The following FLT4 variants were observed in gnomAD, a reference collection of about 807,000 sequenced individuals.
FLT4 encodes the protein fms related receptor tyrosine kinase 4, also known as vascular endothelial growth factor receptor 3.
FLT4 carries 30 observed loss-of-function variants against 163.2 expected under a neutral mutation model. That is an observed-to-expected ratio of 0.18 (90% CI 0.14 to 0.25). The LOEUF is 0.25. Among genes scored for constraint, FLT4 ranks in the 10% least tolerant of loss-of-function variants. FLT4 has a pLI of 1.00. For synonymous variants in FLT4, 884 were observed against 789.5 expected (o/e 1.12, Z -2.01); for missense variants, 1,510 against 1,863.8 (o/e 0.81, Z 3.50).
Position 180,623,836 on chromosome 5 carries a change from AGCACTCTGGAAGCCAGGTG to A in FLT4, c.1548+80_1548+98del. On this transcript the variant is annotated intron_variant, in intron 11 of 29. Transcript: ENST00000261937. The surrounding 1 kb of genome is among the most constrained non-coding windows in gnomAD (Gnocchi z 5.8). ...TCACCCGCTCTCGGCTGCTCTGCCC[AGCACTCTGGAAGCCAGGTG>A]GAAACCACATGGCAGTAATGGCCTC... The A allele has an allele frequency of 6.7e-7, 1 of 1,503,300 alleles. No individual in the cohort carries two copies. The highest frequency in any genetic ancestry group is 1.7e-5 in the Admixed American group (1 of 59,784). The allele number at this position is 1,503,300 out of a possible 1,614,324, so 93.1% of individuals were successfully genotyped here. A position where few individuals can be genotyped will look rare whatever the true frequency, so the allele number is the denominator to read the frequency against.
At chr5:180,622,528 G>C (rs1407825520) in intron 12 of FLT4, among the ~76,000 whole-genome samples, 2 of 152,150 alleles carry the variant, frequency 1.3e-5, no homozygotes, top group East Asian at 1.9e-4. Context: ...CCCAGGGTTG[G>C]GGACAGAGGA....
At chr5:180,633,840 G>A (rs533704670) in intron 1 of FLT4, among the ~76,000 whole-genome samples, 1 of 152,300 alleles carries the variant, frequency 6.6e-6, no homozygotes, top group African/African-American at 2.4e-5. Context: ...GGGAGGTCAG[G>A]AGACCAGGCT....
At chr5:180,629,123 C>G in intron 7 of FLT4, 124 bp from the exon 8 acceptor site, 1 of 1,452,702 alleles carries the variant, frequency 6.9e-7, no homozygotes, top group East Asian at 2.3e-5. Context: ...GGCCATGCCG[C>G]CCGGTGCAGG....
At chr5:180,611,730 A>C (rs1235340283) in intron 26 of FLT4, 1 of 580,956 alleles carries the variant, frequency 1.7e-6, no homozygotes, top group Non-Finnish European at 3.1e-6. Context: ...TCCACAGAGG[A>C]AACGAGCTCA....
chr5:180,648,951 C>T (rs1765616232), intron 1 of FLT4, among the ~76,000 whole-genome samples: 2 of 152,290 alleles, frequency 1.3e-5, no homozygotes, highest in Admixed American at 1.3e-4. Context: ...CGGTGGTCCC[C>T]GGCCCCTGTC....
chr5:180,607,788 T>C (rs1297367187), intron 29 of FLT4, among the ~76,000 whole-genome samples: 1 of 152,172 alleles, frequency 6.6e-6, no homozygotes, highest in Non-Finnish European at 1.5e-5. Flanking sequence ...ATACTACTCT[T>C]TGATGTATTA....
At chr5:180,626,090 G>T in intron 9 of FLT4, 21 bp downstream of exon 9, 8 of 1,612,680 alleles carry the variant, frequency 5.0e-6, no homozygotes, top group Non-Finnish European at 6.8e-6. Flanking sequence ...CCACCCGTGC[G>T]CTCTCCCGTC....
chr5:180,639,949 C>A (rs1451601291), intron 1 of FLT4, among the ~76,000 whole-genome samples: 1 of 152,214 alleles, frequency 6.6e-6, no homozygotes, highest in African/African-American at 2.4e-5. Context: ...CCCAAGCCTG[C>A]AGCAGCGTGG....
chr5:180,649,293 G>A (rs1231976335), intron 1 of FLT4, among the ~76,000 whole-genome samples, 195 bp downstream of exon 1: 2 of 151,802 alleles, frequency 1.3e-5, no homozygotes, highest in African/African-American at 4.8e-5. Flanking sequence ...ACCCGGCTGC[G>A]GTCCCCGCCC....
intron 24 of FLT4, chr5:180,613,408 C>G (rs1186256904): frequency 2.6e-6 from 1 of 389,100 alleles, no homozygotes; most frequent in East Asian, 4.2e-5. Flanking sequence ...ACTGGATCAT[C>G]AGCGGCGGGG....
In FLT4 at chr5:180,603,208, G is replaced by A. The variant is rs761781228; in HGVS notation, c.4076C>T (p.Thr1359Ile). 9 of 1,613,884 alleles carry A rather than the reference G, an allele frequency of 5.6e-6. No homozygotes were observed. In the South Asian group the frequency reaches 9.9e-5, roughly 18 times the overall value. Reference sequence around the variant, plus strand: ...CGATGCTGCTTAGTAGCTGTTGTCTGTGAAGAAAGTCACGCGGGCAGACGG... The same window carrying A: ...CGATGCTGCTTAGTAGCTGTTGTCTATGAAGAAAGTCACGCGGGCAGACGG... The part of the protein sequence containing the change: ...CSPSARVTFF[T>I]DNSY Residue 1359 changes from threonine to isoleucine, a missense_variant, in exon 30 of 30, where the codon ACA (threonine) becomes ATA (isoleucine). By Grantham distance (89) the Thr-to-Ile change is moderately conservative. This residue lies in a region of FLT4 where 295 missense variants were observed against 311.0 expected (regional missense o/e 0.95). Coordinates refer to ENST00000261937, the MANE Select transcript of FLT4 (RefSeq NM_182925.5).
chr5:180,631,739 T>C lies in FLT4; in HGVS notation c.98A>G (p.Asn33Ser). 2 of 1,610,864 alleles carry C rather than the reference T, an allele frequency of 1.2e-6. No individual in the cohort carries two copies. Among genetic ancestry groups the C allele is most frequent in the Non-Finnish European group, 1.7e-6 (2 of 1,179,914 alleles). Residue 33 changes from asparagine (N) to serine (S), a missense_variant, in exon 2 of 30, where the codon AAC becomes AGC. Transcript: ENST00000261937. ...GATGACGTGTGACTCCTCCGTGATGTTCAAGGTCGGGGGGGTCATGGAGTA... is the reference window on the plus strand; with the variant it reads ...GATGACGTGTGACTCCTCCGTGATGCTCAAGGTCGGGGGGGTCATGGAGTA... ...SGYSMTPPTL[N>S]ITEESHVIDT...
chr5:180,618,675 A>G (rs1444608192), intron 21 of FLT4, 95 bp downstream of exon 21: 2 of 1,357,756 alleles, frequency 1.5e-6, no homozygotes, highest in Non-Finnish European at 2.0e-6. Flanking sequence ...TCTCCCATGA[A>G]AGCCCCCGCT....
chr5:180,629,771 C>G lies in FLT4; in HGVS notation c.741G>C (p.Lys247Asn). ...RKSLELLVGE[K>N]LVLNCTVWAE... ...CCCACACGGTGCAGTTCAGGACCAG[C>G]TTCTCCCCTACCAGCAGCTCCAGCG... Residue 247 changes from lysine (K) to asparagine (N), a missense_variant, in exon 6 of 30, where the codon AAG becomes AAC. Lys to Asn is a moderately conservative substitution (Grantham distance 94). This residue lies in a region of FLT4 where 163 missense variants were observed against 281.1 expected (regional missense o/e 0.58). Transcript: ENST00000261937. 2 of 1,612,452 alleles carry G rather than the reference C, an allele frequency of 1.2e-6. No homozygotes were observed. The highest frequency in any genetic ancestry group is 2.2e-5 in the South Asian group (2 of 90,928).
At chr5:180,611,554 C>A in intron 26 of FLT4, 75 bp from the exon 27 acceptor site, 1 of 1,479,050 alleles carries the variant, frequency 6.8e-7, no homozygotes. Context: ...CACCCTCAGC[C>A]CTCACCCCCG....
chr5:180,605,733 GTC>G (rs1274840800), intron 29 of FLT4, among the ~76,000 whole-genome samples: 3 of 152,180 alleles, frequency 2.0e-5, no homozygotes, highest in African/African-American at 4.8e-5. Flanking sequence ...GGGCCAGCTA[GTC>G]TCTTACCCAG....
In FLT4 at chr5:180,603,883, G is replaced by A. The variant is rs187753067; in HGVS notation, c.3894-493C>T. 5.3e-3 allele frequency among the ~76,000 whole-genome samples: 793 copies of A among 149,002 alleles called. 7 individuals are homozygous for A. The highest frequency in any genetic ancestry group is 0.019 in the African/African-American group (741 of 39,636). ...CGCACCACTGCACTCCAGCCTGGGC[G>A]ACAGAGTGAGACTCCATCTTAAAAA... On this transcript the variant is annotated intron_variant, in intron 29 of 29. Transcript: ENST00000261937.
intron 28 of FLT4, 143 bp from the exon 29 acceptor site, chr5:180,609,196 G>A: frequency 2.8e-6 from 2 of 712,948 alleles, no homozygotes; most frequent in South Asian, 3.0e-5. Context: ...CAGAAACAAG[G>A]CGTCCATTCC....
chr5:180,613,021 T>A lies in FLT4; in HGVS notation c.3421A>T (p.Thr1141Ser), dbSNP rs1762334743. 1 of 1,611,282 alleles carries A rather than the reference T, an allele frequency of 6.2e-7. No individual in the cohort carries two copies. Among genetic ancestry groups the A allele is most frequent in the Admixed American group, 1.7e-5 (1 of 59,824 alleles). ...CATGGGGAGGCTCACATGGCGGGAG[T>A]GGCCAGCTCCGGGGCCCTCATCCTT... ...GTRMRAPELA[T>S]PAIRRIMLNC... The change falls in exon 25 of 30, where the codon ACT (threonine) becomes TCT (serine). Residue 1141 changes from threonine (T) to serine (S), a missense_variant. Physicochemically the swap from Thr to Ser is moderately conservative, Grantham distance 58. Coordinates refer to ENST00000261937, the MANE Select transcript of FLT4 (RefSeq NM_182925.5).
Sources: gnomAD v4.1 joint callset for allele counts (sites outside exome capture counted in the v4.1 genomes callset) on GRCh38, gnomAD v4.1.1 for gene constraint, gnomAD v4.1.1 regional missense constraint, Gnocchi (gnomAD v3.1) non-coding constraint, MANE v1.5 for transcripts, NCBI Gene and HGNC (gene_info 2026-07-23, HGNC 2026-07-21) for gene names.